The following PCDH7 variants were observed in gnomAD, a reference collection of about 807,000 sequenced individuals.
PCDH7 encodes protocadherin-7.
In PCDH7, 17 loss-of-function variants were observed where a neutral mutation model predicts 58.9. The ratio of observed to expected loss-of-function variants is 0.29; its 90% confidence interval spans 0.20 to 0.43. The LOEUF is 0.43. Ranked by LOEUF, PCDH7 falls within the 20% of genes least tolerant of loss-of-function variation. PCDH7 has a pLI of 1.00. For synonymous variants in PCDH7, 664 were observed against 616.4 expected (o/e 1.08, Z -1.14); for missense variants, 1,274 against 1,441.0 (o/e 0.88, Z 1.88).
At chr4:30,886,904 A>G (rs1325689810) in intron 1 of PCDH7, among the ~76,000 whole-genome samples, 1 of 144,132 alleles carries the variant, frequency 6.9e-6, no homozygotes, top group African/African-American at 2.6e-5. Context: ...ATTCTCACTC[A>G]TAGGTGGGAA....
intron 3 of PCDH7, chr4:30,987,438 T>A (rs1321168162): frequency 1.3e-5 from 2 of 152,102 alleles, no homozygotes; most frequent in Non-Finnish European, 2.9e-5. Context: ...ATTTAATAGC[T>A]ATAAAATGAG....
chr4:30,877,462 C>A (rs2109367223), intron 1 of PCDH7, among the ~76,000 whole-genome samples: 1 of 152,232 alleles, frequency 6.6e-6, no homozygotes, highest in South Asian at 2.1e-4. Flanking sequence ...GAAAGACATG[C>A]CTAAGGCAAC....
At chr4:30,914,791 G>A (rs531525075) in intron 1 of PCDH7, among the ~76,000 whole-genome samples, 1 of 152,242 alleles carries the variant, frequency 6.6e-6, no homozygotes, top group Non-Finnish European at 1.5e-5. Flanking sequence ...AAGTTAGCAA[G>A]GGGCAGTTAC....
At chr4:30,976,245 C>T (rs1348427145) in intron 3 of PCDH7, among the ~76,000 whole-genome samples, 1 of 152,004 alleles carries the variant, frequency 6.6e-6, no homozygotes, top group Non-Finnish European at 1.5e-5. Context: ...ACTCCACCCA[C>T]CACACCTGGC....
intron 3 of PCDH7, among the ~76,000 whole-genome samples, chr4:31,075,505 T>C (rs1758907882): frequency 6.6e-6 from 1 of 152,166 alleles, no homozygotes; most frequent in Admixed American, 6.5e-5. Flanking sequence ...ACATGAAGAA[T>C]CTGATTCTCT....
In PCDH7 at chr4:30,775,892, A is replaced by T. The variant is rs974153930; in HGVS notation, c.70+51296A>T. Among the ~76,000 whole-genome samples the T allele has an allele frequency of 3.3e-5, 5 of 151,992 alleles. No individual in the cohort carries two copies. In the East Asian group the frequency reaches 7.7e-4, roughly 24 times the overall value. ...AGCCTGGGTGACAGAGTGAAACTCC[A>T]TTGCAAAAAAAAAAGATATGAGTTA... On this transcript the variant is annotated intron_variant, in intron 1 of 3. Transcript: ENST00000509759.
chr4:31,022,973 C>A (rs1178730783), intron 3 of PCDH7, among the ~76,000 whole-genome samples: 1 of 152,118 alleles, frequency 6.6e-6, no homozygotes, highest in East Asian at 1.9e-4. Flanking sequence ...ATGGAAGTAA[C>A]ATAATCAGGT....
At chr4:30,850,523 G>A (rs1292010240) in intron 1 of PCDH7, among the ~76,000 whole-genome samples, 1 of 151,934 alleles carries the variant, frequency 6.6e-6, no homozygotes, top group Non-Finnish European at 1.5e-5. Flanking sequence ...TATAAACCAG[G>A]GTTTTTCTTT....
intron 3 of PCDH7, among the ~76,000 whole-genome samples, chr4:30,953,034 T>C (rs545501325): frequency 2.0e-5 from 3 of 152,286 alleles, no homozygotes; most frequent in Non-Finnish European, 2.9e-5. Flanking sequence ...ATTTGCTGAA[T>C]TAGTCATGAA....
intron 1 of PCDH7, among the ~76,000 whole-genome samples, chr4:30,807,644 C>G (rs907267815): frequency 6.6e-6 from 1 of 151,982 alleles, no homozygotes; most frequent in South Asian, 2.1e-4. Flanking sequence ...GCTTTTAATG[C>G]GTAACATGAA....
rs1255263130 is a variant in PCDH7, at chr4:30,856,819, A to G, written c.71-63334A>G. On this transcript the variant is annotated intron_variant, in intron 1 of 3. Transcript: ENST00000509759. The stretch of plus-strand genomic sequence containing the variant: ...TGCAACCAACTAAAAATATGAATTT[A>G]TTGACTTTCAAAATTCACATTTTTA... 3.3e-5 allele frequency among the ~76,000 whole-genome samples: 5 copies of G among 151,976 alleles called. No individual in the cohort carries two copies. In the East Asian group the frequency reaches 9.7e-4, roughly 29 times the overall value.
At chr4:31,062,472 G>A (rs1057472593) in intron 3 of PCDH7, among the ~76,000 whole-genome samples, 2 of 151,532 alleles carry the variant, frequency 1.3e-5, no homozygotes, top group African/African-American at 4.8e-5. Flanking sequence ...TTATCATTTA[G>A]ACATCAAAAA....
At chr4:30,987,022 C>T (rs951789766) in intron 3 of PCDH7, among the ~76,000 whole-genome samples, 6 of 152,084 alleles carry the variant, frequency 3.9e-5, no homozygotes, top group African/African-American at 1.2e-4. Context: ...TTGGGCATAA[C>T]ATTCTACAAT....
intron 3 of PCDH7, among the ~76,000 whole-genome samples, chr4:31,098,600 T>G (rs2109297324): frequency 6.6e-6 from 1 of 152,234 alleles, no homozygotes; most frequent in African/African-American, 2.4e-5. Context: ...CACTACAACT[T>G]TATGATTATT....
intron 3 of PCDH7, among the ~76,000 whole-genome samples, chr4:30,959,787 C>T (rs1412682403): frequency 6.6e-6 from 1 of 151,968 alleles, no homozygotes; most frequent in Admixed American, 6.6e-5. Flanking sequence ...AAATGTGTGC[C>T]TTCATCTATT....
intron 3 of PCDH7, among the ~76,000 whole-genome samples, chr4:31,033,500 A>G (rs1033681145): frequency 1.3e-5 from 2 of 152,224 alleles, no homozygotes; most frequent in African/African-American, 4.8e-5. Context: ...TTGCTTCAAC[A>G]TGCTAACTCC....
chr4:31,143,425 G>T (rs992616314), downstream of PCDH7: 12 of 151,976 alleles, frequency 7.9e-5, no homozygotes, highest in Non-Finnish European at 1.6e-4. Flanking sequence ...AAGTATTTTG[G>T]GAATATCAAA....
At chr4:31,057,885 A>G (rs1757380632) in intron 3 of PCDH7, among the ~76,000 whole-genome samples, 1 of 152,098 alleles carries the variant, frequency 6.6e-6, no homozygotes. Context: ...TGTACCTGGA[A>G]TATGTACATA....
chr4:31,007,018 CAT>C (rs1202774087), intron 3 of PCDH7, among the ~76,000 whole-genome samples: 1 of 152,084 alleles, frequency 6.6e-6, no homozygotes, highest in East Asian at 1.9e-4. Context: ...CCCTGCTAAC[CAT>C]CTAGGGAAAA....
Sources: gnomAD v4.1 joint callset for allele counts (sites outside exome capture counted in the v4.1 genomes callset) on GRCh38, gnomAD v4.1.1 for gene constraint, MANE v1.5 for transcripts, NCBI Gene and HGNC (gene_info 2026-07-23, HGNC 2026-07-21) for gene names.